Variants in DOCK2 observed in about 807,000 individuals in gnomAD.
DOCK2 encodes dedicator of cytokinesis 2.
In DOCK2, 87 loss-of-function variants were observed where a neutral mutation model predicts 248.9. That is an observed-to-expected ratio of 0.35 (90% confidence interval 0.29 to 0.42). The LOEUF is 0.42. DOCK2 is among the 10% of genes least tolerant of loss of function. The pLI, the probability that DOCK2 is intolerant of heterozygous loss-of-function variation, is 1.00. For missense variants in DOCK2, 1,747 were observed against 2,300.2 expected, an observed-to-expected ratio of 0.76 and a Z score of 4.92; for synonymous variants, 805 against 821.6, an observed-to-expected ratio of 0.98 and a Z score of 0.35.
intron 27 of DOCK2, among the ~76,000 whole-genome samples, chr5:169,885,941 T>C (rs1383594910): frequency 6.6e-6 from 1 of 152,182 alleles, no homozygotes; most frequent in East Asian, 1.9e-4. Flanking sequence ...AGAGGGTAAG[T>C]ACTCAGTAGA....
chr5:169,916,297 G>A (rs545429065), intron 27 of DOCK2, among the ~76,000 whole-genome samples: 8 of 152,336 alleles, frequency 5.3e-5, no homozygotes, highest in African/African-American at 1.7e-4. Context: ...TGTGACTTGG[G>A]ATTTGTGTCT....
At chr5:169,891,970 TG>T (rs1287557662) in intron 27 of DOCK2, among the ~76,000 whole-genome samples, 2 of 132,182 alleles carry the variant, frequency 1.5e-5, no homozygotes, top group African/African-American at 5.9e-5. Flanking sequence ...CACTCCAGCC[TG>T]GGCAACAGTG....
At chr5:169,663,543 A>T (rs1017592424) in intron 2 of DOCK2, among the ~76,000 whole-genome samples, 4 of 152,216 alleles carry the variant, frequency 2.6e-5, no homozygotes, top group Admixed American at 6.5e-5. Flanking sequence ...AGGCATTTCC[A>T]TACATCCTCT....
intron 27 of DOCK2, among the ~76,000 whole-genome samples, chr5:169,952,078 G>A (rs1015783250): frequency 6.6e-6 from 1 of 152,100 alleles, no homozygotes; most frequent in African/African-American, 2.4e-5. Flanking sequence ...AAGCCCCAAG[G>A]GTTTCTCCTA....
Position 169,764,850 on chromosome 5 carries a change from G to T in DOCK2, c.2554+3225G>T, listed in dbSNP as rs977534484. On this transcript the variant is annotated intron_variant, in intron 25 of 51. Coordinates refer to ENST00000520908, the MANE Select transcript of DOCK2 (RefSeq NM_004946.3). This position sits in a 1 kb window ranked among gnomAD's most constrained non-coding sequence, Gnocchi z 4.3. ...CATTCTGACTTTGAACGTGTTTGTT[G>T]TTGTTGTTGTTGTTGTTGTTGTTTT... 6.6e-6 allele frequency among the ~76,000 whole-genome samples: 1 copy of T among 151,898 alleles called. No individual in the cohort carries two copies. The highest frequency in any genetic ancestry group is 1.5e-5 in the Non-Finnish European group (1 of 67,968).
intron 15 of DOCK2, among the ~76,000 whole-genome samples, chr5:169,709,906 T>A (rs1278395968): frequency 6.6e-6 from 1 of 152,238 alleles, no homozygotes; most frequent in African/African-American, 2.4e-5. Flanking sequence ...CCAAAACTCG[T>A]TGACTACCGA....
chr5:169,719,904 G>A (rs959083531), intron 22 of DOCK2, among the ~76,000 whole-genome samples: 11 of 150,784 alleles, frequency 7.3e-5, no homozygotes, highest in Non-Finnish European at 1.0e-4. Context: ...GGGCAACAAA[G>A]CAAGACTCTG....
intron 32 of DOCK2, among the ~76,000 whole-genome samples, chr5:170,013,811 A>G (rs1755402691): frequency 6.6e-6 from 1 of 152,138 alleles, no homozygotes; most frequent in South Asian, 2.1e-4. Flanking sequence ...CACATCCTCT[A>G]CATGCCAGGT....
chr5:170,070,962 G>A (rs534945467), intron 46 of DOCK2, among the ~76,000 whole-genome samples: 43 of 152,264 alleles, frequency 2.8e-4, no homozygotes, highest in African/African-American at 1.0e-3. Context: ...TCTGAGAACC[G>A]TTAGCTAGGC....
intron 22 of DOCK2, among the ~76,000 whole-genome samples, chr5:169,730,634 A>G (rs1762720674): frequency 1.3e-5 from 2 of 152,200 alleles, no homozygotes; most frequent in South Asian, 4.1e-4. Flanking sequence ...CTTAAGATAT[A>G]TAGGACATAA....
chr5:170,049,335 C>T (rs569580659), intron 40 of DOCK2, among the ~76,000 whole-genome samples: 2 of 152,276 alleles, frequency 1.3e-5, no homozygotes, highest in Admixed American at 1.3e-4. Context: ...GGATGGTCTC[C>T]ATCTCTTGAC....
At chr5:170,050,171 T>C (rs548048294) in intron 40 of DOCK2, 85 bp from the exon 41 acceptor site, 50 of 1,545,950 alleles carry the variant, frequency 3.2e-5, no homozygotes, top group Admixed American at 7.3e-5. Context: ...TGGACCGTGG[T>C]CATTTTACAA....
chr5:169,799,878 G>A (rs1766863601), intron 25 of DOCK2, among the ~76,000 whole-genome samples: 1 of 152,050 alleles, frequency 6.6e-6, no homozygotes, highest in Admixed American at 6.6e-5. Context: ...TGTGATCATG[G>A]CTAACTGCAG....
intron 27 of DOCK2, among the ~76,000 whole-genome samples, chr5:169,926,178 A>G (rs754262017): frequency 2.0e-5 from 3 of 152,166 alleles, no homozygotes; most frequent in Non-Finnish European, 4.4e-5. Context: ...TATAGTCGGC[A>G]TGGATGTGGA....
chr5:169,708,709 C>T (rs549016243), intron 15 of DOCK2, among the ~76,000 whole-genome samples: 25 of 152,156 alleles, frequency 1.6e-4, no homozygotes, highest in South Asian at 4.1e-4. Context: ...GGATTACAAG[C>T]GTGTGCCACC....
chr5:169,845,832 G>A (rs1290302692), intron 27 of DOCK2, among the ~76,000 whole-genome samples: 1 of 152,214 alleles, frequency 6.6e-6, no homozygotes, highest in East Asian at 1.9e-4. Context: ...TTCACTAGGA[G>A]CAGAAATGTA....
chr5:169,654,528 G>A lies in DOCK2; in HGVS notation c.127+42G>A, dbSNP rs1187446509. 4 of 1,605,302 alleles carry A rather than the reference G, an allele frequency of 2.5e-6. No homozygotes were observed. In the African/African-American group the frequency reaches 4.0e-5, roughly 16 times the overall value. On this transcript the variant is annotated intron_variant, in intron 2 of 51. Coordinates refer to ENST00000520908, the MANE Select transcript of DOCK2 (RefSeq NM_004946.3). ...CGCCCCAAGTGCTGGACCCTTGGCT[G>A]ATGGAAGCCTATAGTACACCCAGGC...
At chr5:170,010,352 G>A (rs1020284057) in intron 32 of DOCK2, among the ~76,000 whole-genome samples, 6 of 152,146 alleles carry the variant, frequency 3.9e-5, no homozygotes, top group Non-Finnish European at 5.9e-5. Context: ...CTGGGATATA[G>A]GAAATAATTG....
At chr5:169,806,721 G>C (rs577541877) in intron 26 of DOCK2, among the ~76,000 whole-genome samples, 1 of 151,548 alleles carries the variant, frequency 6.6e-6, no homozygotes, top group South Asian at 2.1e-4. Context: ...CTTTTTTTGC[G>C]TACTAACAAA....
Sources: allele counts gnomAD v4.1 joint callset (sites outside exome capture counted in the v4.1 genomes callset), GRCh38; gene constraint gnomAD v4.1.1; non-coding constraint Gnocchi (gnomAD v3.1); transcripts MANE v1.5; gene names NCBI Gene and HGNC (gene_info 2026-07-23, HGNC 2026-07-21).